Variants in SNCAIP observed in about 807,000 individuals in gnomAD.
SNCAIP encodes the protein synuclein alpha interacting protein.
In SNCAIP, 43 loss-of-function variants were observed where a neutral mutation model predicts 86.7. The observed-to-expected ratio is 0.50, with a 90% CI of 0.39 to 0.64. The LOEUF is 0.64. SNCAIP is among the 30% of genes least tolerant of loss of function. SNCAIP has a pLI of 0.00. For synonymous variants in SNCAIP, 417 were observed against 427.2 expected (o/e 0.98, Z 0.29); for missense variants, 981 against 1,103.1 (o/e 0.89, Z 1.57).
At chr5:122,429,864 G>T (rs891575765) in intron 5 of SNCAIP, among the ~76,000 whole-genome samples, 2 of 152,092 alleles carry the variant, frequency 1.3e-5, no homozygotes, top group Non-Finnish European at 2.9e-5. Flanking sequence ...AGATAGAAAG[G>T]ACTGAGTACA....
chr5:122,326,515 A>C (rs376144230), intron 1 of SNCAIP, among the ~76,000 whole-genome samples: 49 of 151,644 alleles, frequency 3.2e-4, no homozygotes, highest in East Asian at 3.1e-3. Context: ...TTGAAATTTC[A>C]AACCTCATGA....
intron 1 of SNCAIP, among the ~76,000 whole-genome samples, chr5:122,342,138 G>A (rs879711708): frequency 3.3e-5 from 5 of 152,070 alleles, no homozygotes; most frequent in Non-Finnish European, 7.4e-5. Flanking sequence ...CTAAGCATCA[G>A]CATTATTACA....
At chr5:122,333,637 T>C (rs984023469) in intron 1 of SNCAIP, among the ~76,000 whole-genome samples, 1 of 152,232 alleles carries the variant, frequency 6.6e-6, no homozygotes, top group Non-Finnish European at 1.5e-5. Flanking sequence ...TCATATCTAA[T>C]TTGAAACTAC....
chr5:122,406,464 G>A (rs1165685322), intron 3 of SNCAIP, among the ~76,000 whole-genome samples: 3 of 152,094 alleles, frequency 2.0e-5, no homozygotes, highest in African/African-American at 7.2e-5. Context: ...ATATGGTTTG[G>A]ATCTCTGTTC....
intron 1 of SNCAIP, among the ~76,000 whole-genome samples, chr5:122,386,888 G>A (rs1255349245): frequency 6.6e-6 from 1 of 151,872 alleles, no homozygotes; most frequent in African/African-American, 2.4e-5. Flanking sequence ...AATTGCCAAT[G>A]CCAGTAAAAA....
At chr5:122,395,906 T>G (rs2152852689) in intron 2 of SNCAIP, among the ~76,000 whole-genome samples, 1 of 152,250 alleles carries the variant, frequency 6.6e-6, no homozygotes, top group Middle Eastern at 3.4e-3. Context: ...TTGTACTTTC[T>G]TCTGTACCTT....
At chr5:122,337,344 A>T (rs985799515) in intron 1 of SNCAIP, among the ~76,000 whole-genome samples, 3 of 152,142 alleles carry the variant, frequency 2.0e-5, no homozygotes, top group African/African-American at 7.2e-5. Context: ...ACAAATTTTG[A>T]AATGATTTTA....
intron 1 of SNCAIP, among the ~76,000 whole-genome samples, chr5:122,331,007 G>T (rs999043591): frequency 6.6e-6 from 1 of 151,966 alleles, no homozygotes; most frequent in African/African-American, 2.4e-5. Context: ...CCTCACATGT[G>T]CAGTTCGCAA....
intron 1 of SNCAIP, among the ~76,000 whole-genome samples, chr5:122,314,823 G>C (rs534462952): frequency 2.0e-5 from 3 of 152,266 alleles, no homozygotes; most frequent in African/African-American, 7.2e-5. Flanking sequence ...TAGGCCCTGG[G>C]AAAGTACTAA....
chr5:122,399,224 A>G (rs1231245706), intron 2 of SNCAIP, among the ~76,000 whole-genome samples: 3 of 152,192 alleles, frequency 2.0e-5, no homozygotes. Context: ...AGAAAACAGG[A>G]TAAAGAGAAG....
intron 1 of SNCAIP, among the ~76,000 whole-genome samples, chr5:122,390,315 G>C (rs191606857): frequency 6.6e-6 from 1 of 152,242 alleles, no homozygotes; most frequent in East Asian, 1.9e-4. Context: ...CTCTGCCGCC[G>C]CTGATGGGGA....
intron 10 of SNCAIP, among the ~76,000 whole-genome samples, chr5:122,462,116 T>A (rs1328290294): frequency 2.0e-5 from 3 of 152,228 alleles, no homozygotes; most frequent in African/African-American, 7.2e-5. Context: ...TGGAGGACTT[T>A]ATGTGTTAGT....
At chr5:122,326,605 C>CTTT (rs1491240086) in intron 1 of SNCAIP, among the ~76,000 whole-genome samples, 40 of 102,422 alleles carry the variant, frequency 3.9e-4, no homozygotes, top group Non-Finnish European at 6.7e-4. Flanking sequence ...AGAAATGTCT[C>CTTT]CTTTTTTTTT....
intron 1 of SNCAIP, among the ~76,000 whole-genome samples, chr5:122,385,079 A>T (rs1767824103): frequency 6.6e-6 from 1 of 152,120 alleles, no homozygotes; most frequent in Admixed American, 6.5e-5. Flanking sequence ...TTCGGCTTTC[A>T]GCTTTGCCAG....
At chr5:122,319,506 A>G (rs7726084) in intron 1 of SNCAIP, among the ~76,000 whole-genome samples, 41,600 of 152,108 alleles carry the variant, frequency 0.27, 6,875 homozygotes, top group African/African-American at 0.47. Flanking sequence ...AGCCACAGAA[A>G]CTCAATAGTT....
intron 1 of SNCAIP, among the ~76,000 whole-genome samples, chr5:122,342,395 C>T (rs1757772893): frequency 6.6e-6 from 1 of 152,012 alleles, no homozygotes; most frequent in African/African-American, 2.4e-5. Flanking sequence ...TTCCTGGGGC[C>T]TCCTGCAAGC....
chr5:122,440,545 A>G, intron 6 of SNCAIP, 84 bp from the exon 7 acceptor site: 1 of 1,327,984 alleles, frequency 7.5e-7, no homozygotes, highest in Non-Finnish European at 1.1e-6. Flanking sequence ...AAGCTTCACA[A>G]ATTAGGGTAT....
intron 3 of SNCAIP, among the ~76,000 whole-genome samples, chr5:122,418,339 C>G (rs1205012871): frequency 6.6e-6 from 1 of 152,152 alleles, no homozygotes; most frequent in African/African-American, 2.4e-5. Context: ...TGTTATATCC[C>G]AAGTCTACCT....
chr5:122,445,172 G>A (rs1024459588), intron 8 of SNCAIP, among the ~76,000 whole-genome samples: 10 of 152,124 alleles, frequency 6.6e-5, no homozygotes, highest in African/African-American at 2.4e-4. Flanking sequence ...AAAATGTGTG[G>A]GGGAAATTAC....
Sources: allele counts gnomAD v4.1 joint callset (sites outside exome capture counted in the v4.1 genomes callset), GRCh38; gene constraint gnomAD v4.1.1; transcripts MANE v1.5; gene names NCBI Gene and HGNC (gene_info 2026-07-23, HGNC 2026-07-21).